KCNH7: variants seen among roughly 807,000 people sequenced by gnomAD.
KCNH7 encodes voltage-gated inwardly rectifying potassium channel KCNH7.
KCNH7 carries 49 observed loss-of-function variants against 120.8 expected under a neutral mutation model. The observed-to-expected ratio is 0.41, with a 90% confidence interval of 0.32 to 0.51. The LOEUF is 0.51. Among genes scored for constraint, KCNH7 ranks in the 20% least tolerant of loss-of-function variants. KCNH7 has a pLI of 0.38. For synonymous variants in KCNH7, 547 were observed against 516.1 expected, an observed-to-expected ratio of 1.06 and a Z score of -0.81; for missense variants, 1,097 against 1,446.6, an observed-to-expected ratio of 0.76 and a Z score of 3.92.
intron 9 of KCNH7, chr2:162,423,098 A>G: frequency 1.2e-6 from 1 of 812,388 alleles, no homozygotes; most frequent in Non-Finnish European, 1.9e-6. Flanking sequence ...ACTCTACTAC[A>G]CACAGTTATA....
chr2:162,698,220 C>T (rs1404273929), intron 2 of KCNH7, among the ~76,000 whole-genome samples: 2 of 151,930 alleles, frequency 1.3e-5, no homozygotes, highest in African/African-American at 4.8e-5. Context: ...GAAATACTAC[C>T]GATATCAATG....
chr2:162,751,344 G>T (rs1004775670), intron 2 of KCNH7, among the ~76,000 whole-genome samples: 6 of 152,088 alleles, frequency 3.9e-5, no homozygotes, highest in African/African-American at 1.2e-4. Flanking sequence ...AATTAGAGAA[G>T]TAATTTACTA....
At chr2:162,471,247 T>TAAAA (rs79162616) in intron 6 of KCNH7, among the ~76,000 whole-genome samples, 2 of 132,120 alleles carry the variant, frequency 1.5e-5, no homozygotes, top group African/African-American at 2.7e-5. Context: ...ATCAATAAAT[T>TAAAA]AAAAAAAAAA....
intron 3 of KCNH7, among the ~76,000 whole-genome samples, chr2:162,531,252 T>C (rs1691914563): frequency 6.6e-6 from 1 of 151,992 alleles, no homozygotes; most frequent in African/African-American, 2.4e-5. Flanking sequence ...CTGTAAAGAC[T>C]ATCTTCCATT....
At chr2:162,407,670 A>C (rs1687268508) in intron 9 of KCNH7, among the ~76,000 whole-genome samples, 1 of 151,972 alleles carries the variant, frequency 6.6e-6, no homozygotes, top group Non-Finnish European at 1.5e-5. Context: ...CATCCTGAGG[A>C]GCAGTGTCAG....
chr2:162,483,371 TG>T (rs1353211276), intron 6 of KCNH7, among the ~76,000 whole-genome samples: 3 of 152,132 alleles, frequency 2.0e-5, no homozygotes. Flanking sequence ...CCACGGGACA[TG>T]TATTTCCATA....
In KCNH7 at chr2:162,648,618, A is replaced by T. The variant is rs367731482; in HGVS notation, c.308-111538T>A. Among the ~76,000 whole-genome samples, 3 of 152,284 alleles carry T rather than the reference A, an allele frequency of 2.0e-5. No individual in the cohort carries two copies. The East Asian group carries it at 5.8e-4, about 29-fold the overall frequency. On this transcript the variant is annotated intron_variant, in intron 2 of 15. Transcript: ENST00000332142. ...TGCTTATGCTTTTTCTCAGACTAGA[A>T]TATTCTTTTCCTTCCAATCCATATC...
intron 2 of KCNH7, among the ~76,000 whole-genome samples, chr2:162,619,917 A>C (rs1427496064): frequency 6.6e-6 from 1 of 151,962 alleles, no homozygotes; most frequent in East Asian, 1.9e-4. Flanking sequence ...TATAATACTT[A>C]TTGACCTTTA....
chr2:162,456,400 T>C (rs1396614451), intron 6 of KCNH7, among the ~76,000 whole-genome samples: 1 of 152,190 alleles, frequency 6.6e-6, no homozygotes, highest in Non-Finnish European at 1.5e-5. Flanking sequence ...TTCTTTTGCA[T>C]TTGCTGAGGA....
intron 2 of KCNH7, among the ~76,000 whole-genome samples, chr2:162,616,176 G>A (rs192848513): frequency 2.0e-5 from 3 of 152,076 alleles, no homozygotes; most frequent in Admixed American, 2.0e-4. Flanking sequence ...CCAAAGTTCA[G>A]TTTATGACTC....
intron 2 of KCNH7, among the ~76,000 whole-genome samples, chr2:162,784,398 T>C (rs771285872): frequency 3.9e-5 from 6 of 152,154 alleles, no homozygotes; most frequent in Non-Finnish European, 5.9e-5. Flanking sequence ...TGACCACTAC[T>C]GTTCCTTCCT....
At chr2:162,793,205 TA>T (rs1684020649) in intron 2 of KCNH7, among the ~76,000 whole-genome samples, 1 of 151,882 alleles carries the variant, frequency 6.6e-6, no homozygotes. Context: ...GACAGAAAAC[TA>T]AATACCATAT....
At chr2:162,772,787 A>G (rs1046817905) in intron 2 of KCNH7, among the ~76,000 whole-genome samples, 4 of 152,244 alleles carry the variant, frequency 2.6e-5, no homozygotes, top group African/African-American at 9.6e-5. Context: ...AATTCAATGC[A>G]TTAAACATTC....
intron 6 of KCNH7, among the ~76,000 whole-genome samples, chr2:162,469,998 T>C (rs1689448848): frequency 6.6e-6 from 1 of 152,210 alleles, no homozygotes; most frequent in Non-Finnish European, 1.5e-5. Flanking sequence ...CGGAGTCTCG[T>C]TCACTCAGTG....
rs1222027551 is a variant in KCNH7 at position 162,754,192 on chromosome 2, A to G, written c.307+82345T>C. Among the ~76,000 whole-genome samples the G allele has an allele frequency of 2.6e-5, 4 of 152,114 alleles. No individual in the cohort carries two copies. In the East Asian group the frequency reaches 7.7e-4, roughly 29 times the overall value. On this transcript the variant is annotated intron_variant, in intron 2 of 15. Coordinates refer to ENST00000332142, the MANE Select transcript of KCNH7 (RefSeq NM_033272.4). ...CATAATAACAAAGGGTGAATTTGAGAAGGAAGAAACTGAAAACAGAGAGGG... is the reference window on the plus strand; with the variant it reads ...CATAATAACAAAGGGTGAATTTGAGGAGGAAGAAACTGAAAACAGAGAGGG...
At chr2:162,829,442 G>A (rs1433576659) in intron 2 of KCNH7, among the ~76,000 whole-genome samples, 1 of 152,166 alleles carries the variant, frequency 6.6e-6, no homozygotes, top group African/African-American at 2.4e-5. Context: ...AATAGAGTGT[G>A]TAACATATTC....
chr2:162,681,466 G>T (rs527444554), intron 2 of KCNH7, among the ~76,000 whole-genome samples: 4 of 151,688 alleles, frequency 2.6e-5, no homozygotes, highest in Admixed American at 1.3e-4. Flanking sequence ...ATATGCTTAT[G>T]AACTATGCAC....
intron 2 of KCNH7, among the ~76,000 whole-genome samples, chr2:162,801,946 A>G (rs982789341): frequency 1.2e-4 from 18 of 151,788 alleles, no homozygotes; most frequent in African/African-American, 3.6e-4. Context: ...ATCTCAGTCT[A>G]TTAGAACAAA....
At chr2:162,642,539 A>G (rs112956811) in intron 2 of KCNH7, among the ~76,000 whole-genome samples, 14 of 152,336 alleles carry the variant, frequency 9.2e-5, no homozygotes, top group African/African-American at 3.1e-4. Context: ...TCCACAGGAA[A>G]AGGCATAGCA....
Sources: gnomAD v4.1 joint callset for allele counts (sites outside exome capture counted in the v4.1 genomes callset) on GRCh38, gnomAD v4.1.1 for gene constraint, MANE v1.5 for transcripts, NCBI Gene and HGNC (gene_info 2026-07-23, HGNC 2026-07-21) for gene names.